LIPF: variants seen among roughly 807,000 people sequenced by gnomAD.
LIPF encodes the protein lipase F, gastric type.
Under a neutral mutation model 38.0 loss-of-function variants are expected in LIPF, and 25 were observed. That is an observed-to-expected ratio of 0.66 (90% CI 0.48 to 0.92). LIPF has a LOEUF of 0.92. LIPF is among the 40% of genes least tolerant of loss of function. The pLI, the probability that LIPF is intolerant of heterozygous loss-of-function variation, is 0.00. For synonymous variants in LIPF, 161 were observed against 156.2 expected (o/e 1.03, Z -0.23); for missense variants, 410 against 469.9 (o/e 0.87, Z 1.18).
chr10:88,668,738 T>C lies in LIPF; in HGVS notation c.404T>C (p.Val135Ala), dbSNP rs532115430. Residue 135 changes from valine to alanine, a missense_variant, in exon 4 of 10, where the codon GTT becomes GCT. Transcript: ENST00000238983. ...AACTTGTACTATTCACCAGATTCAGTTGAATTCTGGGCTTTCAGGTAAACA... is the reference window on the plus strand; with the variant it reads ...AACTTGTACTATTCACCAGATTCAGCTGAATTCTGGGCTTTCAGGTAAACA... ...RRNLYYSPDS[V>A]EFWAFSFDEM... 6 of 1,613,898 alleles carry C rather than the reference T, an allele frequency of 3.7e-6. No homozygotes were observed. In the East Asian group the frequency reaches 1.1e-4, roughly 30 times the overall value.
chr10:88,672,825 A>G (rs1017183915), intron 6 of LIPF, among the ~76,000 whole-genome samples: 10 of 152,162 alleles, frequency 6.6e-5, no homozygotes, highest in Non-Finnish European at 1.3e-4. Context: ...ACTTACCTAT[A>G]GGCAAACTAC....
chr10:88,668,673 G>A lies in LIPF; in HGVS notation c.339G>A (p.Val113=), dbSNP rs961105838. The stretch of plus-strand genomic sequence containing the variant: ...TTCTGGCAGATGCTGGTTATGATGT[G>A]TGGCTGGGCAACAGCAGAGGAAACA... ...AFILADAGYD[V]WLGNSRGNTW... is the part of the protein sequence containing the mutation. Residue 113 remains valine (V), a synonymous_variant, in exon 4 of 10, where the codon GTG becomes GTA. Coordinates refer to ENST00000238983, the MANE Select transcript of LIPF (RefSeq NM_004190.4). The A allele has an allele frequency of 1.2e-6, 2 of 1,614,172 alleles. No individual in the cohort carries two copies. Among genetic ancestry groups the A allele is most frequent in the Non-Finnish European group, 1.7e-6 (2 of 1,180,010 alleles).
intron 6 of LIPF, among the ~76,000 whole-genome samples, chr10:88,672,359 G>A (rs1841612516): frequency 6.6e-6 from 1 of 152,100 alleles, no homozygotes; most frequent in African/African-American, 2.4e-5. Flanking sequence ...CTGGAAAGAG[G>A]AGGGAAAGGA....
chr10:88,671,969 T>A lies in LIPF; in HGVS notation c.669+4T>A. 6.2e-7 allele frequency: 1 copy of A among 1,603,782 alleles called. No homozygotes were observed. Among genetic ancestry groups the A allele is most frequent in the Non-Finnish European group, 8.5e-7 (1 of 1,176,156 alleles). The stretch of plus-strand genomic sequence containing the variant: ...TGTTCCTCAATCCCTCTTCAAGGTA[T>A]GCAATTCTCTTTAATTAAGTGAATC... On this transcript the variant is annotated splice_donor_region_variant and intron_variant, in intron 6 of 9. Coordinates refer to ENST00000238983, the MANE Select transcript of LIPF (RefSeq NM_004190.4).
chr10:88,678,372 T>C (rs1841719226), intron 9 of LIPF, 73 bp from the exon 10 acceptor site: 1 of 1,086,356 alleles, frequency 9.2e-7, no homozygotes, highest in Non-Finnish European at 1.4e-6. Context: ...TGTTATACAC[T>C]CTACTTGAAT....
intron 1 of LIPF, among the ~76,000 whole-genome samples, chr10:88,664,692 G>A (rs990433453): frequency 1.3e-5 from 2 of 152,022 alleles, no homozygotes; most frequent in African/African-American, 4.8e-5. Context: ...CTTAATTATG[G>A]AATGACAAAT....
intron 4 of LIPF, chr10:88,669,093 G>A (rs1841556872): frequency 4.8e-6 from 1 of 208,238 alleles, no homozygotes; most frequent in African/African-American, 2.3e-5. Flanking sequence ...AACCCATTTA[G>A]GGGTAGGAGA....
intron 1 of LIPF, among the ~76,000 whole-genome samples, chr10:88,666,621 C>A (rs1841515222): frequency 6.6e-6 from 1 of 152,000 alleles, no homozygotes; most frequent in Non-Finnish European, 1.5e-5. Context: ...CTTTGGGAAG[C>A]CCAGGCGGGA....
At chr10:88,667,165 C>A in intron 1 of LIPF, 122 bp from the exon 2 acceptor site, 1 of 564,898 alleles carries the variant, frequency 1.8e-6, no homozygotes, top group Non-Finnish European at 3.2e-6. Context: ...TTTTATTGCC[C>A]AATGGAATAT....
At chr10:88,670,876 G>A (rs1841585972) in intron 5 of LIPF, among the ~76,000 whole-genome samples, 1 of 152,146 alleles carries the variant, frequency 6.6e-6, no homozygotes, top group Non-Finnish European at 1.5e-5. Context: ...CCAATTAGAG[G>A]ACTCTTATAG....
At chr10:88,667,196 C>G (rs1841524051) in intron 1 of LIPF, 91 bp from the exon 2 acceptor site, 1 of 678,064 alleles carries the variant, frequency 1.5e-6, no homozygotes, top group Non-Finnish European at 2.6e-6. Context: ...AAGCATTCCT[C>G]TACTTAGCAC....
chr10:88,674,896 A>G (rs768928952), intron 7 of LIPF, among the ~76,000 whole-genome samples: 1 of 152,218 alleles, frequency 6.6e-6, no homozygotes, highest in Non-Finnish European at 1.5e-5. Flanking sequence ...AACAGAGAGT[A>G]GCCTGTCCTC....
chr10:88,673,511 A>G (rs1841635709), intron 6 of LIPF, 77 bp from the exon 7 acceptor site: 2 of 1,067,060 alleles, frequency 1.9e-6, no homozygotes, highest in Non-Finnish European at 2.8e-6. Flanking sequence ...ACACATGTAT[A>G]AGTAGATTAG....
rs376685605 is a variant in LIPF, at chr10:88,667,342, G to T, written c.45G>T (p.Gly15=). Residue 15 remains glycine, a synonymous_variant, in exon 2 of 10, where the codon GGG becomes GGT. Coordinates refer to ENST00000238983, the MANE Select transcript of LIPF (RefSeq NM_004190.4). ...LTMASLISVL[G]TTHGLFGKLH... Reference sequence around the variant, plus strand: ...TGGCAAGTTTGATATCTGTACTGGGGACTACACATGGTTTGTTTGGAAAAT... The same window carrying T: ...TGGCAAGTTTGATATCTGTACTGGGTACTACACATGGTTTGTTTGGAAAAT... The T allele has an allele frequency of 2.5e-6, 4 of 1,613,518 alleles. No homozygotes were observed. In the African/African-American group the frequency reaches 4.0e-5, roughly 16 times the overall value.
chr10:88,669,942 C>T lies in LIPF; in HGVS notation c.528C>T (p.Thr176=). ...ATGTTGGCCATTCCCAGGGCACCAC[C>T]ATTGGTAAGTAATGGCAGTCAAGGC... ...LHYVGHSQGT[T]IGFIAFSTNP... The change falls in exon 5 of 10, where the codon ACC becomes ACT. Residue 176 remains threonine, a synonymous_variant. Transcript: ENST00000238983. 1 of 1,602,290 alleles carries T rather than the reference C, an allele frequency of 6.2e-7. No individual in the cohort carries two copies. Among genetic ancestry groups the T allele is most frequent in the South Asian group, 1.1e-5 (1 of 90,218 alleles).
chr10:88,667,216 A>C, intron 1 of LIPF, 71 bp from the exon 2 acceptor site: 1 of 833,754 alleles, frequency 1.2e-6, no homozygotes, highest in Non-Finnish European at 2.0e-6. Context: ...CAAAGGTAAA[A>C]TTGGCATAAA....
chr10:88,671,716 C>T, intron 5 of LIPF, 113 bp from the exon 6 acceptor site: 1 of 1,420,596 alleles, frequency 7.0e-7, no homozygotes, highest in Non-Finnish European at 9.4e-7. Flanking sequence ...CTCAGGCTGT[C>T]TCAAACACCA....
At chr10:88,675,084 T>C (rs1841664896) in intron 7 of LIPF, among the ~76,000 whole-genome samples, 1 of 152,230 alleles carries the variant, frequency 6.6e-6, no homozygotes, top group Non-Finnish European at 1.5e-5. Context: ...TGTTTCACTA[T>C]GGCCACAGTC....
At chr10:88,669,668 T>C in intron 4 of LIPF, 169 bp from the exon 5 acceptor site, 1 of 508,368 alleles carries the variant, frequency 2.0e-6, no homozygotes. Context: ...CAGTTGTTTA[T>C]AAGAAGCTGC....
Sources: allele counts gnomAD v4.1 joint callset (sites outside exome capture counted in the v4.1 genomes callset), GRCh38; gene constraint gnomAD v4.1.1; transcripts MANE v1.5; gene names NCBI Gene and HGNC (gene_info 2026-07-23, HGNC 2026-07-21).